ZNF565: variants seen among roughly 807,000 people sequenced by gnomAD.
ZNF565 encodes the protein zinc finger protein 565.
Under a neutral mutation model 39.4 loss-of-function variants are expected in ZNF565, and 27 were observed. The observed-to-expected ratio is 0.69, with a 90% CI of 0.51 to 0.95. The LOEUF (loss-of-function observed/expected upper bound fraction) is 0.95. Among genes scored for constraint, ZNF565 ranks in the 40% least tolerant of loss-of-function variants. The pLI is 0.00. For synonymous variants in ZNF565, 185 were observed against 216.6 expected, an observed-to-expected ratio of 0.85 and a Z score of 1.28; for missense variants, 524 against 621.1, an observed-to-expected ratio of 0.84 and a Z score of 1.66.
chr19:36,244,631 T>C (rs1335785001), intron 1 of ZNF565, among the ~76,000 whole-genome samples: 2 of 151,526 alleles, frequency 1.3e-5, no homozygotes, highest in African/African-American at 4.8e-5. Context: ...GGCCGGTGGA[T>C]CACGAGGCCA....
intron 1 of ZNF565, among the ~76,000 whole-genome samples, chr19:36,214,360 T>C (rs151161814): frequency 2.5e-4 from 38 of 150,864 alleles, no homozygotes; most frequent in African/African-American, 9.3e-4. Flanking sequence ...AGGCCACATA[T>C]ACAACGGGGA....
At chr19:36,217,055 C>CTTTTTTTTTT (rs752632008), upstream of ZNF565, among the ~76,000 whole-genome samples, 28 of 65,878 alleles carry the variant, frequency 4.3e-4, 3 homozygotes, top group East Asian at 1.1e-3. Flanking sequence ...CAGTCCCTGT[C>CTTTTTTTTTT]TTTTTTTTTT....
At chr19:36,193,162 AT>A (rs1975626170) in intron 4 of ZNF565, among the ~76,000 whole-genome samples, 1 of 151,188 alleles carries the variant, frequency 6.6e-6, no homozygotes, top group Admixed American at 6.6e-5. Context: ...CACCCAGCTA[AT>A]TTTTTGTATT....
chr19:36,182,950 T>A lies in ZNF565; in HGVS notation c.1016A>T (p.Glu339Val). The A allele has an allele frequency of 4.3e-6, 7 of 1,614,164 alleles. No homozygotes were observed. Among genetic ancestry groups the A allele is most frequent in the Non-Finnish European group, 5.9e-6 (7 of 1,180,032 alleles). The change falls in exon 5 of 5, where the codon GAA becomes GTA. Residue 339 changes from glutamate (E) to valine (V), a missense_variant. By Grantham distance (121) the Glu-to-Val change is moderately radical. Coordinates refer to ENST00000304116, the MANE Select transcript of ZNF565 (RefSeq NM_152477.5). ...HTGEKPYECK[E>V]CGKGFIHSSE... is the part of the protein sequence containing the mutation. ...GCTGTGAATAAAGCCCTTTCCGCAT[T>A]CCTTACACTCGTAGGGTTTCTCACC...
intron 1 of ZNF565, chr19:36,237,157 C>T (rs777828919): frequency 4.3e-6 from 7 of 1,614,056 alleles, no homozygotes; most frequent in Middle Eastern, 3.3e-4. Flanking sequence ...GGGAGAAGCC[C>T]TATGGTTGTA....
At chr19:36,232,326 C>T (rs985136540) in intron 1 of ZNF565, among the ~76,000 whole-genome samples, 4 of 151,700 alleles carry the variant, frequency 2.6e-5, no homozygotes, top group African/African-American at 4.8e-5. Flanking sequence ...CTTATATAAA[C>T]TTGAATTCAG....
At chr19:36,239,746 CAG>C (rs1360272427) in intron 1 of ZNF565, among the ~76,000 whole-genome samples, 4 of 152,290 alleles carry the variant, frequency 2.6e-5, no homozygotes, top group East Asian at 1.9e-4. Flanking sequence ...ACTGCTGTTA[CAG>C]AGAGAGAATG....
At chr19:36,196,919 TGGTGGCA>T (rs1447832506) in intron 2 of ZNF565, among the ~76,000 whole-genome samples, 1 of 152,004 alleles carries the variant, frequency 6.6e-6, no homozygotes, top group African/African-American at 2.4e-5. Context: ...TAGCTGCGCG[TGGTGGCA>T]GGTGCCTGTA....
intron 1 of ZNF565, among the ~76,000 whole-genome samples, chr19:36,208,619 C>T (rs935096853): frequency 1.3e-5 from 2 of 152,084 alleles, no homozygotes; most frequent in East Asian, 1.9e-4. Flanking sequence ...CTTGAAGCTA[C>T]GTGCCTAAAT....
chr19:36,216,749 A>G (rs1018844842), upstream of ZNF565, among the ~76,000 whole-genome samples: 1 of 152,156 alleles, frequency 6.6e-6, no homozygotes, highest in African/African-American at 2.4e-5. Flanking sequence ...ATGGAAAGAG[A>G]CAAGCTGCAA....
At chr19:36,233,640 C>T (rs1022182039) in intron 1 of ZNF565, among the ~76,000 whole-genome samples, 3 of 152,156 alleles carry the variant, frequency 2.0e-5, no homozygotes, top group Non-Finnish European at 2.9e-5. Context: ...ACAAATGTCT[C>T]TGCATCATAA....
At chr19:36,185,468 T>C (rs908761846) in intron 4 of ZNF565, among the ~76,000 whole-genome samples, 2 of 151,882 alleles carry the variant, frequency 1.3e-5, no homozygotes, top group African/African-American at 2.4e-5. Context: ...ACAGGGCTCT[T>C]GGCAAAGCAG....
rs372151181 is a variant in ZNF565 at position 36,201,934 on chromosome 19, G to A, written c.9+43C>T. On this transcript the variant is annotated intron_variant, in intron 2 of 4. Transcript: ENST00000304116. ...GAACACAGTGTCCATATAATCTGGC[G>A]GGAAGACAGATCATTCTAAGGATAG... is the stretch of plus-strand genomic sequence containing the variant. 1.4e-4 allele frequency: 219 copies of A among 1,609,404 alleles called. 2 individuals carry two copies. Among genetic ancestry groups the A allele is most frequent in the South Asian group, 1.3e-3 (120 of 90,792 alleles).
chr19:36,206,420 G>A (rs1240144413), intron 1 of ZNF565, among the ~76,000 whole-genome samples: 2 of 151,708 alleles, frequency 1.3e-5, no homozygotes, highest in Non-Finnish European at 2.9e-5. Context: ...ACCAGCCTGG[G>A]CAGCAAAGTA....
chr19:36,188,575 G>A (rs995458970), intron 4 of ZNF565, among the ~76,000 whole-genome samples: 1 of 151,762 alleles, frequency 6.6e-6, no homozygotes, highest in Non-Finnish European at 1.5e-5. Context: ...AGCCAGGCAT[G>A]GTGGCGGGTG....
At chr19:36,185,214 A>C (rs1975245191) in intron 4 of ZNF565, among the ~76,000 whole-genome samples, 1 of 151,872 alleles carries the variant, frequency 6.6e-6, no homozygotes, top group Admixed American at 6.6e-5. Context: ...CGGGTGTTCG[A>C]GATCAGCCTG....
chr19:36,196,455 T>C (rs1975764033), intron 2 of ZNF565, among the ~76,000 whole-genome samples: 1 of 152,140 alleles, frequency 6.6e-6, no homozygotes, highest in Non-Finnish European at 1.5e-5. Flanking sequence ...TGCAGGCCTG[T>C]GGCATGAAGG....
intron 1 of ZNF565, among the ~76,000 whole-genome samples, chr19:36,224,000 A>G (rs1230174006): frequency 6.6e-6 from 1 of 152,144 alleles, no homozygotes; most frequent in African/African-American, 2.4e-5. Flanking sequence ...TAATCCATTT[A>G]GATTTTATCC....
At chr19:36,234,750 A>G (rs1348147118) in intron 1 of ZNF565, among the ~76,000 whole-genome samples, 1 of 152,130 alleles carries the variant, frequency 6.6e-6, no homozygotes, top group East Asian at 1.9e-4. Context: ...CTTACCATAT[A>G]TGTGGGTTTA....
Sources: gnomAD v4.1 joint callset for allele counts (sites outside exome capture counted in the v4.1 genomes callset) on GRCh38, gnomAD v4.1.1 for gene constraint, MANE v1.5 for transcripts, NCBI Gene and HGNC (gene_info 2026-07-23, HGNC 2026-07-21) for gene names.